TRHDE: variants seen among roughly 807,000 people sequenced by gnomAD.
TRHDE encodes the protein thyrotropin releasing hormone degrading enzyme, also known as thyrotropin-releasing hormone-degrading ectoenzyme.
A neutral mutation model predicts 125.7 loss-of-function variants in TRHDE; 72 were observed. That is an observed-to-expected ratio of 0.57 (90% CI 0.47 to 0.70). TRHDE has a LOEUF of 0.70. Ranked by LOEUF, TRHDE falls within the 30% of genes least tolerant of loss-of-function variation. The pLI is 0.00. For synonymous variants in TRHDE, 509 were observed against 509.1 expected (o/e 1.00, Z 0.00); for missense variants, 1,110 against 1,327.1 (o/e 0.84, Z 2.54).
At chr12:72,445,604 T>C (rs916375886) in intron 3 of TRHDE, among the ~76,000 whole-genome samples, 1 of 151,912 alleles carries the variant, frequency 6.6e-6, no homozygotes, top group Admixed American at 6.6e-5. Context: ...TTACCAAATA[T>C]ATCGTTCATC....
intron 5 of TRHDE, among the ~76,000 whole-genome samples, chr12:72,476,447 G>A (rs1372834259): frequency 6.6e-6 from 1 of 152,152 alleles, no homozygotes; most frequent in Non-Finnish European, 1.5e-5. Flanking sequence ...TTTCATAATG[G>A]CATCAGCAAA....
chr12:72,356,928 T>C (rs948005196), intron 2 of TRHDE, among the ~76,000 whole-genome samples: 2 of 151,508 alleles, frequency 1.3e-5, no homozygotes, highest in African/African-American at 4.8e-5. Context: ...TAAGAAAATA[T>C]CTATATTTTC....
intron 7 of TRHDE, among the ~76,000 whole-genome samples, chr12:72,546,561 T>A (rs1283540209): frequency 6.6e-6 from 1 of 151,636 alleles, no homozygotes; most frequent in Non-Finnish European, 1.5e-5. Context: ...TGACATTACC[T>A]TCTTTAAATC....
intron 2 of TRHDE, among the ~76,000 whole-genome samples, chr12:72,166,743 A>C (rs192124330): frequency 6.6e-6 from 1 of 152,198 alleles, no homozygotes; most frequent in Non-Finnish European, 1.5e-5. Context: ...TTCTCAAGAC[A>C]TGGGGCATGA....
chr12:72,425,432 G>C (rs908262335), intron 3 of TRHDE, among the ~76,000 whole-genome samples: 5 of 152,046 alleles, frequency 3.3e-5, no homozygotes, highest in African/African-American at 9.7e-5. Context: ...GAAAGAATCT[G>C]TTAACCAGAT....
At chr12:72,365,511 T>C (rs1380909329) in intron 2 of TRHDE, among the ~76,000 whole-genome samples, 1 of 152,120 alleles carries the variant, frequency 6.6e-6, no homozygotes, top group African/African-American at 2.4e-5. Flanking sequence ...GTTTAACTTT[T>C]TAAAATTATT....
chr12:72,569,023 T>C (rs1870593130), intron 10 of TRHDE, among the ~76,000 whole-genome samples: 2 of 151,904 alleles, frequency 1.3e-5, no homozygotes, highest in Non-Finnish European at 2.9e-5. Context: ...TTTTACACTT[T>C]CCTATCTTCT....
chr12:72,591,854 C>G (rs1271614772), intron 12 of TRHDE, among the ~76,000 whole-genome samples: 9 of 151,588 alleles, frequency 5.9e-5, no homozygotes, highest in African/African-American at 1.9e-4. Context: ...GAGAAATCAG[C>G]CATTAATTTC....
intron 5 of TRHDE, among the ~76,000 whole-genome samples, chr12:72,487,049 A>G (rs1196080652): frequency 6.6e-6 from 1 of 152,104 alleles, no homozygotes; most frequent in African/African-American, 2.4e-5. Flanking sequence ...GCAGACTAGA[A>G]CAAAAAGAAG....
At chr12:72,324,800 A>T (rs906415713) in intron 2 of TRHDE, among the ~76,000 whole-genome samples, 2 of 152,162 alleles carry the variant, frequency 1.3e-5, no homozygotes, top group Non-Finnish European at 2.9e-5. Context: ...AGATTTCTGT[A>T]TCAGAAGGAG....
At chr12:72,558,765 C>T (rs1870038129) in intron 7 of TRHDE, among the ~76,000 whole-genome samples, 1 of 152,052 alleles carries the variant, frequency 6.6e-6, no homozygotes, top group Non-Finnish European at 1.5e-5. Flanking sequence ...ATCAAGGCAT[C>T]AAGATAACCC....
At chr12:72,337,227 G>T (rs540866988) in intron 2 of TRHDE, among the ~76,000 whole-genome samples, 1 of 152,270 alleles carries the variant, frequency 6.6e-6, no homozygotes, top group African/African-American at 2.4e-5. Context: ...AGGAGTGTCA[G>T]CTGACAGAGG....
chr12:72,534,986 T>C (rs1868779066), intron 6 of TRHDE, among the ~76,000 whole-genome samples: 2 of 152,138 alleles, frequency 1.3e-5, no homozygotes, highest in South Asian at 2.1e-4. Context: ...TCATTATGTA[T>C]GGCCTTTATT....
rs1387550940 is a variant in TRHDE, at chr12:72,668,419, G to A, written c.*5224G>A. 1 of 151,566 alleles carries A rather than the reference G, an allele frequency of 6.6e-6. No individual in the cohort carries two copies. The allele number at this position is 151,566 out of a possible 1,614,324, so 9.4% of individuals were successfully genotyped here. A position where few individuals can be genotyped will look rare whatever the true frequency, so the allele number is the denominator to read the frequency against. On this transcript the variant is annotated 3_prime_UTR_variant, in exon 19 of 19. Transcript: ENST00000261180. ...CCCACTAGTAGATGATTTTACCCCAGATTTTGAAAACATACCACTTTAATG... is the reference window on the plus strand; with the variant it reads ...CCCACTAGTAGATGATTTTACCCCAAATTTTGAAAACATACCACTTTAATG...
chr12:72,528,135 A>G (rs1310647471), intron 6 of TRHDE, among the ~76,000 whole-genome samples: 1 of 152,206 alleles, frequency 6.6e-6, no homozygotes, highest in Admixed American at 6.5e-5. Flanking sequence ...TTGGGAAAGT[A>G]TTTTGTATTC....
rs1239008668 is a variant in TRHDE, at chr12:72,469,762, T to G, written c.1320T>G (p.Leu440=). The G allele has an allele frequency of 6.2e-7, 1 of 1,613,832 alleles. No individual in the cohort carries two copies. The highest frequency in any genetic ancestry group is 1.7e-5 in the Admixed American group (1 of 59,946). Residue 440 remains leucine, a synonymous_variant, in exon 4 of 19, where the codon CTT becomes CTG. Coordinates refer to ENST00000261180, the MANE Select transcript of TRHDE (RefSeq NM_013381.3). ...ACTGTTTTATTTTATTTCTAGATCT[T>G]TTAGCTGTGCCTAAGCATCCGTATG... ...KVPYSLPKLD[L]LAVPKHPYAA...
chr12:72,305,696 C>A (rs893539170), intron 2 of TRHDE, among the ~76,000 whole-genome samples: 1 of 152,066 alleles, frequency 6.6e-6, no homozygotes, highest in Admixed American at 6.6e-5. Context: ...GCCGGCAAGA[C>A]AAAACAAAAC....
intron 2 of TRHDE, among the ~76,000 whole-genome samples, chr12:72,243,277 A>T (rs1408552044): frequency 6.6e-6 from 1 of 152,196 alleles, no homozygotes. Context: ...ATCTTAAAGT[A>T]CAGTATGCTT....
chr12:72,494,049 G>A (rs992437147), intron 5 of TRHDE, among the ~76,000 whole-genome samples: 1 of 151,952 alleles, frequency 6.6e-6, no homozygotes, highest in East Asian at 1.9e-4. Context: ...CCAGAACCAG[G>A]CATACCATCT....
Sources: gnomAD v4.1 joint callset for allele counts (sites outside exome capture counted in the v4.1 genomes callset) on GRCh38, gnomAD v4.1.1 for gene constraint, MANE v1.5 for transcripts, NCBI Gene and HGNC (gene_info 2026-07-23, HGNC 2026-07-21) for gene names.